Variants in ADAM12 observed in about 807,000 individuals in gnomAD.
The protein encoded by ADAM12 is ADAM metallopeptidase domain 12.
Under a neutral mutation model 106.4 loss-of-function variants are expected in ADAM12, and 70 were observed. The observed-to-expected ratio is 0.66, with a 90% CI of 0.54 to 0.80. The LOEUF is 0.80. ADAM12 is among the 30% of genes least tolerant of loss of function. The pLI, the probability that ADAM12 is intolerant of heterozygous loss-of-function variation, is 0.00. For synonymous variants in ADAM12, 420 were observed against 433.5 expected, an observed-to-expected ratio of 0.97 and a Z score of 0.39; for missense variants, 1,010 against 1,171.9, an observed-to-expected ratio of 0.86 and a Z score of 2.02.
chr10:126,086,680 A>ATATATATAT (rs1472519666), intron 11 of ADAM12, among the ~76,000 whole-genome samples: 1 of 24,272 alleles, frequency 4.1e-5, no homozygotes, highest in Non-Finnish European at 5.9e-5. Flanking sequence ...AAAAAAAAAA[A>ATATATATAT]ATATATATAT....
At chr10:126,115,579 G>C (rs1955966515) in intron 6 of ADAM12, among the ~76,000 whole-genome samples, 2 of 152,236 alleles carry the variant, frequency 1.3e-5, no homozygotes, top group Admixed American at 1.3e-4. Context: ...TGTATACCCT[G>C]AGTGCAGATT....
At chr10:126,119,384 G>C (rs879400521) in intron 5 of ADAM12, among the ~76,000 whole-genome samples, 2 of 152,176 alleles carry the variant, frequency 1.3e-5, no homozygotes, top group African/African-American at 4.8e-5. Context: ...CTTAGCCCAG[G>C]GGAGGCCCCA....
chr10:126,024,851 CA>C lies in ADAM12; in HGVS notation c.2530-5027del, dbSNP rs11392876. ...AGGAAACAAATAGACACATGGAGAA[CA>C]AAAAAAAAAAGCAGGGTGAGGCAAT... is the stretch of plus-strand genomic sequence containing the variant. On this transcript the variant is annotated intron_variant, in intron 21 of 22. Transcript: ENST00000448723. 3.7e-3 allele frequency among the ~76,000 whole-genome samples: 536 copies of C among 146,080 alleles called. 3 individuals are homozygous for C. Among genetic ancestry groups the C allele is most frequent in the African/African-American group, 0.012 (469 of 39,640 alleles).
At chr10:126,337,961 AAAC>A (rs1854769919) in intron 1 of ADAM12, among the ~76,000 whole-genome samples, 2 of 152,202 alleles carry the variant, frequency 1.3e-5, no homozygotes, top group Admixed American at 6.5e-5. Context: ...TATGATGACA[AAAC>A]AACAATTCTT....
intron 4 of ADAM12, among the ~76,000 whole-genome samples, chr10:126,138,817 C>CTTTT (rs71486579): frequency 7.4e-4 from 95 of 127,984 alleles, no homozygotes; most frequent in East Asian, 1.6e-3. Flanking sequence ...CTACACATAT[C>CTTTT]TTTTTCTTTT....
At chr10:126,036,813 G>A (rs898926055) in intron 20 of ADAM12, among the ~76,000 whole-genome samples, 2 of 152,332 alleles carry the variant, frequency 1.3e-5, no homozygotes, top group Middle Eastern at 6.8e-3. Flanking sequence ...GGTAACCCTT[G>A]TTCTTAGAAC....
At chr10:126,159,576 A>T (rs552295909) in intron 3 of ADAM12, among the ~76,000 whole-genome samples, 7 of 152,176 alleles carry the variant, frequency 4.6e-5, no homozygotes, top group Non-Finnish European at 7.3e-5. Flanking sequence ...AAGATACATC[A>T]TTCGAAGGCT....
In ADAM12 at chr10:126,049,059, G is replaced by C. The variant is rs1374364087; in HGVS notation, c.1917+194C>G. Among the ~76,000 whole-genome samples the C allele has an allele frequency of 6.6e-6, 1 of 151,210 alleles. No homozygotes were observed. The highest frequency in any genetic ancestry group is 6.6e-5 in the Admixed American group (1 of 15,240). Reference sequence around the variant, plus strand: ...TTAACACTCAAGGCCTAAGAAGACAGGCTTGATTTTTCCCCAATCTGCATT... The same window carrying C: ...TTAACACTCAAGGCCTAAGAAGACACGCTTGATTTTTCCCCAATCTGCATT... On this transcript the variant is annotated intron_variant, in intron 16 of 22. Transcript: ENST00000448723. The surrounding 1 kb of genome is among the most constrained non-coding windows in gnomAD (Gnocchi z 4.4).
At chr10:126,366,074 C>T (rs1039095934) in intron 1 of ADAM12, among the ~76,000 whole-genome samples, 1 of 151,956 alleles carries the variant, frequency 6.6e-6, no homozygotes, top group South Asian at 2.1e-4. Context: ...AGTCCAAGTA[C>T]AAGAATAGAC....
intron 3 of ADAM12, among the ~76,000 whole-genome samples, chr10:126,172,900 A>G (rs921039612): frequency 5.9e-5 from 9 of 152,376 alleles, no homozygotes; most frequent in Middle Eastern, 3.4e-3. Context: ...AATGTGGCAC[A>G]TATACACCAT....
In ADAM12 at chr10:126,326,196, C is replaced by T. The variant is rs1013037138; in HGVS notation, c.186+4216G>A. On this transcript the variant is annotated intron_variant, in intron 2 of 22. Transcript: ENST00000448723. ...AGCCTTGGGTGCTCACTAAAATCAC[C>T]GGGGAGTATTTTTTTTTTTTTTAAG... is the stretch of plus-strand genomic sequence containing the variant. 4.1e-5 allele frequency among the ~76,000 whole-genome samples: 6 copies of T among 145,756 alleles called. No homozygotes were observed. In the South Asian group the frequency reaches 1.3e-3, roughly 31 times the overall value.
chr10:126,360,770 A>G (rs1401046633), intron 1 of ADAM12, among the ~76,000 whole-genome samples: 1 of 152,130 alleles, frequency 6.6e-6, no homozygotes, highest in African/African-American at 2.4e-5. Context: ...TGGCTTCCAC[A>G]TTTTCAGGTA....
chr10:126,379,509 G>A (rs1001365500), intron 1 of ADAM12, among the ~76,000 whole-genome samples: 2 of 152,072 alleles, frequency 1.3e-5, no homozygotes, highest in Admixed American at 1.3e-4. Flanking sequence ...CATGGACATA[G>A]GGAGGGGAAC....
At chr10:126,243,175 G>A (rs1167729552) in intron 3 of ADAM12, among the ~76,000 whole-genome samples, 1 of 152,246 alleles carries the variant, frequency 6.6e-6, no homozygotes, top group Non-Finnish European at 1.5e-5. Context: ...CAGGCAGCAT[G>A]GAGGCCGCCC....
At chr10:126,157,905 C>T (rs1956849116) in intron 3 of ADAM12, among the ~76,000 whole-genome samples, 1 of 152,138 alleles carries the variant, frequency 6.6e-6, no homozygotes, top group African/African-American at 2.4e-5. Context: ...GGTGACAGGG[C>T]CCTGAAGAGA....
At chr10:126,251,613 C>CGGG (rs1958757227) in intron 3 of ADAM12, among the ~76,000 whole-genome samples, 2 of 148,684 alleles carry the variant, frequency 1.3e-5, no homozygotes, top group African/African-American at 4.9e-5. Context: ...TGGATGGATG[C>CGGG]ATGGATAGAT....
chr10:126,330,992 TAGTA>T (rs1282881171), intron 1 of ADAM12, among the ~76,000 whole-genome samples: 5 of 152,350 alleles, frequency 3.3e-5, no homozygotes, highest in Admixed American at 3.3e-4. Flanking sequence ...TTATATGCTT[TAGTA>T]AGTGATTCTA....
intron 3 of ADAM12, among the ~76,000 whole-genome samples, chr10:126,228,716 T>A (rs1231680825): frequency 6.6e-6 from 1 of 152,160 alleles, no homozygotes; most frequent in East Asian, 1.9e-4. Context: ...GAGGAAGGGG[T>A]GGACTTTAAA....
At chr10:126,204,486 T>C (rs1441774029) in intron 3 of ADAM12, among the ~76,000 whole-genome samples, 1 of 152,204 alleles carries the variant, frequency 6.6e-6, no homozygotes, top group East Asian at 1.9e-4. Flanking sequence ...TGAGTCACTC[T>C]GGGTCAGGTA....
Sources: gnomAD v4.1 joint callset for allele counts (sites outside exome capture counted in the v4.1 genomes callset) on GRCh38, gnomAD v4.1.1 for gene constraint, Gnocchi (gnomAD v3.1) non-coding constraint, MANE v1.5 for transcripts, NCBI Gene and HGNC (gene_info 2026-07-23, HGNC 2026-07-21) for gene names.